The following CELF4 variants were observed in gnomAD, a reference collection of about 807,000 sequenced individuals.
CELF4 encodes CUGBP Elav-like family member 4, also known as CUG-BP- and ETR-3-like factor 4.
Under a neutral mutation model 59.9 loss-of-function variants are expected in CELF4, and 18 were observed. That is an observed-to-expected ratio of 0.30 (90% confidence interval 0.21 to 0.45). The LOEUF is 0.45. Among genes scored for constraint, CELF4 ranks in the 20% least tolerant of loss-of-function variants. The pLI is 1.00. For missense variants in CELF4, 456 were observed against 689.0 expected (o/e 0.66, Z 3.79); for synonymous variants, 261 against 267.1 (o/e 0.98, Z 0.22).
chr18:37,406,783 G>A (rs918125276), intron 2 of CELF4, among the ~76,000 whole-genome samples: 1 of 152,110 alleles, frequency 6.6e-6, no homozygotes, highest in African/African-American at 2.4e-5. Context: ...AGACCTCAGG[G>A]AATAGAAGTT....
At chr18:37,564,116 G>A (rs956698273) in intron 1 of CELF4, among the ~76,000 whole-genome samples, 2 of 152,094 alleles carry the variant, frequency 1.3e-5, no homozygotes, top group South Asian at 2.1e-4. Context: ...CATCTTCGGC[G>A]GCTCTCCACA....
chr18:37,457,691 C>G (rs2099782148), intron 2 of CELF4, among the ~76,000 whole-genome samples: 1 of 152,196 alleles, frequency 6.6e-6, no homozygotes, highest in Non-Finnish European at 1.5e-5. Flanking sequence ...CTCCTCCTTT[C>G]CTTTCTCCCA....
intron 1 of CELF4, among the ~76,000 whole-genome samples, chr18:37,522,373 C>T (rs886807176): frequency 2.0e-5 from 3 of 152,116 alleles, no homozygotes; most frequent in Non-Finnish European, 2.9e-5. Flanking sequence ...CCCTGCGGCC[C>T]GGCCCCCAGC....
intron 2 of CELF4, among the ~76,000 whole-genome samples, chr18:37,450,872 C>T (rs2099761646): frequency 6.6e-6 from 1 of 152,282 alleles, no homozygotes; most frequent in East Asian, 1.9e-4. Context: ...CTAGCCTTGG[C>T]CTGGTTTTTC....
chr18:37,516,523 T>C (rs532195210), intron 1 of CELF4, among the ~76,000 whole-genome samples: 2 of 152,314 alleles, frequency 1.3e-5, no homozygotes, highest in African/African-American at 4.8e-5. Flanking sequence ...TCACACAAAA[T>C]ATAAATTATG....
intron 2 of CELF4, among the ~76,000 whole-genome samples, chr18:37,442,560 G>A (rs1036125263): frequency 6.6e-6 from 1 of 152,224 alleles, no homozygotes; most frequent in Non-Finnish European, 1.5e-5. Context: ...GCATGCTACT[G>A]CTGAAGGGGG....
At chr18:37,443,582 C>T (rs72889351) in intron 2 of CELF4, among the ~76,000 whole-genome samples, 33,495 of 152,048 alleles carry the variant, frequency 0.22, 4,504 homozygotes, top group South Asian at 0.39. Flanking sequence ...TGGAGGCTTT[C>T]ATCCCTGAAT....
Position 37,253,354 on chromosome 18 carries a change from G to A in CELF4, c.*44+413C>T, listed in dbSNP as rs886077109. ...TGGAAGAACTGGGGAGGAGAGAGCC[G>A]GGGGTCTGGGAGCAGGCCCCGCGGG... On this transcript the variant is annotated intron_variant, in intron 12 of 12. Coordinates refer to ENST00000420428, the MANE Select transcript of CELF4 (RefSeq NM_020180.4). This position sits in a 1 kb window ranked among gnomAD's most constrained non-coding sequence, Gnocchi z 4.5. 2.0e-5 allele frequency among the ~76,000 whole-genome samples: 3 copies of A among 152,166 alleles called. No individual in the cohort carries two copies. Among genetic ancestry groups the A allele is most frequent in the Non-Finnish European group, 2.9e-5 (2 of 68,018 alleles).
intron 2 of CELF4, among the ~76,000 whole-genome samples, chr18:37,407,738 T>C (rs1221559320): frequency 6.6e-6 from 1 of 152,128 alleles, no homozygotes; most frequent in Admixed American, 6.5e-5. Context: ...ATGGCAGGTC[T>C]GCATCTGTCC....
chr18:37,490,490 A>G (rs138818773), intron 1 of CELF4, among the ~76,000 whole-genome samples: 57 of 152,268 alleles, frequency 3.7e-4, no homozygotes, highest in African/African-American at 1.2e-3. Context: ...GGAGACAAAG[A>G]TCATTGCACA....
chr18:37,322,104 G>T (rs997081044), intron 2 of CELF4, among the ~76,000 whole-genome samples: 1 of 152,246 alleles, frequency 6.6e-6, no homozygotes, highest in African/African-American at 2.4e-5. Flanking sequence ...GGTGTCTCTG[G>T]ACAGGAGACT....
chr18:37,346,683 G>C (rs79513994), intron 2 of CELF4, among the ~76,000 whole-genome samples: 7 of 152,146 alleles, frequency 4.6e-5, no homozygotes, highest in Non-Finnish European at 7.3e-5. Context: ...TATTGAGGGC[G>C]AGGCTCGGGA....
At chr18:37,477,381 G>A (rs1451651124) in intron 2 of CELF4, among the ~76,000 whole-genome samples, 1 of 152,226 alleles carries the variant, frequency 6.6e-6, no homozygotes, top group East Asian at 1.9e-4. Flanking sequence ...GGAATGACAT[G>A]GAAAAAGAGG....
intron 1 of CELF4, among the ~76,000 whole-genome samples, chr18:37,559,175 ATTC>A (rs953236100): frequency 3.9e-4 from 60 of 152,256 alleles, no homozygotes; most frequent in African/African-American, 1.4e-3. Context: ...GGACAGCATC[ATTC>A]TTTCCAGATT....
chr18:37,260,306 T>C (rs932225666), intron 10 of CELF4, among the ~76,000 whole-genome samples: 6 of 152,248 alleles, frequency 3.9e-5, no homozygotes, highest in African/African-American at 1.4e-4. Flanking sequence ...CCTGTTTCTT[T>C]TGAAATAGTC....
intron 2 of CELF4, among the ~76,000 whole-genome samples, chr18:37,357,035 A>G (rs970390424): frequency 6.6e-6 from 1 of 151,752 alleles, no homozygotes; most frequent in Admixed American, 6.6e-5. Flanking sequence ...AGGTTCCACC[A>G]CTCGCTTCAC....
chr18:37,412,637 T>C (rs1484751779), intron 2 of CELF4, among the ~76,000 whole-genome samples: 2 of 151,986 alleles, frequency 1.3e-5, no homozygotes, highest in Non-Finnish European at 2.9e-5. Context: ...GATGGGTGCA[T>C]GTGTGTATGA....
intron 3 of CELF4, among the ~76,000 whole-genome samples, chr18:37,299,142 C>A (rs937147820): frequency 3.9e-5 from 6 of 152,188 alleles, no homozygotes; most frequent in Admixed American, 1.3e-4. Flanking sequence ...GGTGAACTCC[C>A]TCCCAGGCCC....
chr18:37,557,307 T>G (rs1436948137), intron 1 of CELF4, among the ~76,000 whole-genome samples: 1 of 152,246 alleles, frequency 6.6e-6, no homozygotes, highest in Non-Finnish European at 1.5e-5. Flanking sequence ...TCAGTCAGAT[T>G]GATTCAAGGG....
Sources: allele counts gnomAD v4.1 joint callset (sites outside exome capture counted in the v4.1 genomes callset), GRCh38; gene constraint gnomAD v4.1.1; non-coding constraint Gnocchi (gnomAD v3.1); transcripts MANE v1.5; gene names NCBI Gene and HGNC (gene_info 2026-07-23, HGNC 2026-07-21).